ANKMY1: variants seen among roughly 807,000 people sequenced by gnomAD.
ANKMY1 encodes ankyrin repeat and MYND domain containing 1.
Under a neutral mutation model 102.0 loss-of-function variants are expected in ANKMY1, and 98 were observed. That is an observed-to-expected ratio of 0.96 (90% CI 0.82 to 1.14). ANKMY1 has a LOEUF of 1.14. Ranked by LOEUF, ANKMY1 falls within the 50% of genes most tolerant of loss-of-function variation. ANKMY1 has a pLI of 0.00. For missense variants in ANKMY1, 1,330 were observed against 1,347.6 expected (o/e 0.99, Z 0.20); for synonymous variants, 582 against 559.9 (o/e 1.04, Z -0.56).
At chr2:240,526,508 C>A (rs2083448509) in intron 5 of ANKMY1, 63 bp from the exon 6 acceptor site, 1 of 1,599,410 alleles carries the variant, frequency 6.3e-7, no homozygotes, top group Non-Finnish European at 8.5e-7. Context: ...GAGAAAGGGT[C>A]CAGCTGGACC....
chr2:240,525,946 T>G, intron 6 of ANKMY1, 97 bp from the exon 7 acceptor site: 4 of 1,422,400 alleles, frequency 2.8e-6, no homozygotes, highest in Non-Finnish European at 3.9e-6. Flanking sequence ...GGCCACCCTA[T>G]GGCAGGGCAG....
downstream of ANKMY1, among the ~76,000 whole-genome samples, chr2:240,476,043 A>C (rs2074830552): frequency 6.6e-6 from 1 of 152,232 alleles, no homozygotes; most frequent in Non-Finnish European, 1.5e-5. Flanking sequence ...TAAACAGCTA[A>C]AGCAATCTTG....
Position 240,512,891 on chromosome 2 carries a change from C to A in ANKMY1, c.2056G>T (p.Gly686Trp), listed in dbSNP as rs370594143. The change falls in exon 10 of 18, where the codon GGG becomes TGG. Residue 686 changes from glycine to tryptophan, a missense_variant. By Grantham distance (184) the Gly-to-Trp change is radical. Transcript: ENST00000401804. ...HIAAALPGEE[G>W]VQIVELLLHA... ...AACAGCAGCTCCACAATCTGTACCC[C>A]CTCCTCCCCAGGAAGGGCGGCAGCG... is the stretch of plus-strand genomic sequence containing the variant. 2.5e-6 allele frequency: 4 copies of A among 1,613,924 alleles called. No individual in the cohort carries two copies. In the African/African-American group the frequency reaches 4.0e-5, roughly 16 times the overall value.
the ANKMY1 span, among the ~76,000 whole-genome samples, chr2:240,471,654 C>G: frequency 1.3e-5 from 2 of 152,234 alleles, no homozygotes; most frequent in Admixed American, 6.5e-5. Flanking sequence ...CAGGGGACCC[C>G]CTGCTTTTAG....
chr2:240,499,906 G>A lies in ANKMY1; in HGVS notation c.2806+52C>T, dbSNP rs761017318. 5.1e-4 allele frequency: 794 copies of A among 1,549,578 alleles called. 1 individual carries two copies. The highest frequency in any genetic ancestry group is 6.4e-4 in the Non-Finnish European group (731 of 1,141,906). ...CTCCAGGGATAACAGCCCCAGGCAC[G>A]AGGCCGGAACGCCGCCCTGTGGAGC... On this transcript the variant is annotated intron_variant, in intron 15 of 17. Coordinates refer to ENST00000401804, the MANE Select transcript of ANKMY1 (RefSeq NM_001282771.3). The surrounding 1 kb of genome is among the most constrained non-coding windows in gnomAD (Gnocchi z 4.2).
chr2:240,509,247 A>AG, intron 12 of ANKMY1, 101 bp downstream of exon 12: 2 of 991,610 alleles, frequency 2.0e-6, no homozygotes, highest in East Asian at 2.8e-5. Flanking sequence ...ATGGATGGAT[A>AG]AATGGCCAAC....
Position 240,552,904 on chromosome 2 carries a change from GC to G in ANKMY1, c.480+9del. The G allele has an allele frequency of 6.2e-7, 1 of 1,613,122 alleles. No individual in the cohort carries two copies. Among genetic ancestry groups the G allele is most frequent in the Non-Finnish European group, 8.5e-7 (1 of 1,179,986 alleles). On this transcript the variant is annotated intron_variant, in intron 4 of 17. Coordinates refer to ENST00000401804, the MANE Select transcript of ANKMY1 (RefSeq NM_001282771.3). Reference sequence around the variant, plus strand: ...TTCGACCCCAGCTGAACACATGGCAGCCCCCTCACCTGGAAAAGCCGTGTCT... The same window carrying G: ...TTCGACCCCAGCTGAACACATGGCAGCCCCTCACCTGGAAAAGCCGTGTCT...
chr2:240,479,673 G>A lies in ANKMY1; in HGVS notation c.3047-18C>T, dbSNP rs73010211. The A allele has an allele frequency of 0.088, 142,179 of 1,610,808 alleles. 6,898 individuals carry two copies. The highest frequency in any genetic ancestry group is 0.15 in the Middle Eastern group (896 of 5,900). On this transcript the variant is annotated intron_variant, in intron 17 of 17. Transcript: ENST00000401804. ...TTGTGTCACTGGAGGAGGAAAAGGTGTGGGGGAGGGGGAAGAGGGGGCTGG... is the reference window on the plus strand; with the variant it reads ...TTGTGTCACTGGAGGAGGAAAAGGTATGGGGGAGGGGGAAGAGGGGGCTGG...
At position 240,520,283 on chromosome 2, in the gene ANKMY1, A is replaced by G; in HGVS notation, c.2004+79T>C. The G allele has an allele frequency of 6.7e-7, 1 of 1,484,924 alleles. No individual in the cohort carries two copies. 92.0% of individuals were successfully genotyped at this position (1,484,924 alleles called of 1,614,324 possible). On this transcript the variant is annotated intron_variant, in intron 9 of 17. Transcript: ENST00000401804. The surrounding 1 kb of genome is among the most constrained non-coding windows in gnomAD (Gnocchi z 4.8). The stretch of plus-strand genomic sequence containing the variant: ...GAGCCCACCCCTCTCTTCCGCGCCT[A>G]GGTGGAGCGAGGAGCTTCCCGGCCA...
intron 15 of ANKMY1, among the ~76,000 whole-genome samples, chr2:240,483,446 C>T (rs188004527): frequency 2.4e-4 from 36 of 152,244 alleles, no homozygotes; most frequent in African/African-American, 7.5e-4. Flanking sequence ...CGTGAGCCAC[C>T]GCATCTGGCC....
At chr2:240,538,360 G>C (rs374281154) in intron 4 of ANKMY1, among the ~76,000 whole-genome samples, 1 of 152,156 alleles carries the variant, frequency 6.6e-6, no homozygotes, top group East Asian at 1.9e-4. Context: ...GGGCTCGGGG[G>C]GCCCACACTC....
At position 240,506,585 on chromosome 2, in the gene ANKMY1, C is replaced by A. The variant is rs1339773169; in HGVS notation, c.2526+975G>T. Among the ~76,000 whole-genome samples, 1 of 152,088 alleles carries A rather than the reference C, an allele frequency of 6.6e-6. No homozygotes were observed. The highest frequency in any genetic ancestry group is 1.5e-5 in the Non-Finnish European group (1 of 68,012). On this transcript the variant is annotated intron_variant, in intron 13 of 17. Coordinates refer to ENST00000401804, the MANE Select transcript of ANKMY1 (RefSeq NM_001282771.3). The surrounding 1 kb of genome is among the most constrained non-coding windows in gnomAD (Gnocchi z 4.9). ...GTGACGTCAAACAACCTTCCAGACG[C>A]CTGAGTCTCGCCCTTCCCCTTCCAA...
the ANKMY1 span, among the ~76,000 whole-genome samples, chr2:240,468,995 A>T: frequency 6.6e-6 from 1 of 152,186 alleles, no homozygotes; most frequent in Non-Finnish European, 1.5e-5. Context: ...CCCCTGGGAA[A>T]TGAGGGTGGG....
intron 15 of ANKMY1, among the ~76,000 whole-genome samples, chr2:240,489,248 G>C (rs989105275): frequency 6.6e-6 from 1 of 152,106 alleles, no homozygotes; most frequent in Non-Finnish European, 1.5e-5. Flanking sequence ...GAGGTCAGGA[G>C]TTCGAGACTA....
At position 240,557,963 on chromosome 2, in the gene ANKMY1, C is replaced by T; in HGVS notation, c.-100G>A. The stretch of plus-strand genomic sequence containing the variant: ...ACCGCGGACGCCCGCGCTCCCGTCC[C>T]GACTGCTTGCCAGCCCTGCGCCTAC... On this transcript the variant is annotated 5_prime_UTR_variant, in exon 1 of 18. Coordinates refer to ENST00000401804, the MANE Select transcript of ANKMY1 (RefSeq NM_001282771.3). 1 of 985,640 alleles carries T rather than the reference C, an allele frequency of 1.0e-6. No individual in the cohort carries two copies. The highest frequency in any genetic ancestry group is 1.2e-6 in the Non-Finnish European group (1 of 830,090). The allele number at this position is 985,640 out of a possible 1,614,324, so 61.1% of individuals were successfully genotyped here. A position where few individuals can be genotyped will look rare whatever the true frequency, so the allele number is the denominator to read the frequency against.
At chr2:240,538,190 G>T (rs1355131915) in intron 4 of ANKMY1, among the ~76,000 whole-genome samples, 2 of 152,238 alleles carry the variant, frequency 1.3e-5, no homozygotes, top group African/African-American at 4.8e-5. Flanking sequence ...CGCTTGAGGG[G>T]CCTTTCAGCC....
chr2:240,494,942 TATAA>T (rs969532855), intron 15 of ANKMY1, among the ~76,000 whole-genome samples: 4 of 152,136 alleles, frequency 2.6e-5, no homozygotes, highest in African/African-American at 9.7e-5. Flanking sequence ...TATGATTATA[TATAA>T]ATATCATTAA....
Position 240,529,001 on chromosome 2 carries a change from A to G in ANKMY1, c.953+36T>C, listed in dbSNP as rs780675928. On this transcript the variant is annotated intron_variant, in intron 5 of 17. Transcript: ENST00000401804. The surrounding 1 kb of genome is among the most constrained non-coding windows in gnomAD (Gnocchi z 4.2). ...CTGCCTAGGGCAGCCTGCACAGTGCACGGCCCTAGGGGAGGAGCAGTAGCA... is the reference window on the plus strand; with the variant it reads ...CTGCCTAGGGCAGCCTGCACAGTGCGCGGCCCTAGGGGAGGAGCAGTAGCA... The G allele has an allele frequency of 7.1e-5, 114 of 1,596,858 alleles. 3 individuals are homozygous for G. In the Middle Eastern group the frequency reaches 1.0e-3, roughly 14 times the overall value.
chr2:240,558,456 T>C (rs1234715278), upstream of ANKMY1: 5 of 152,192 alleles, frequency 3.3e-5, no homozygotes, highest in Admixed American at 6.5e-5. Context: ...AGAAGAGGGA[T>C]TGGCTGTCTT....
Sources: allele counts gnomAD v4.1 joint callset (sites outside exome capture counted in the v4.1 genomes callset), GRCh38; gene constraint gnomAD v4.1.1; non-coding constraint Gnocchi (gnomAD v3.1); transcripts MANE v1.5; gene names NCBI Gene and HGNC (gene_info 2026-07-23, HGNC 2026-07-21).